The following SLC25A51 variants were observed in gnomAD, a reference collection of about 807,000 sequenced individuals.
The protein encoded by SLC25A51 is mitochondrial nicotinamide adenine dinucleotide transporter SLC25A51.
In SLC25A51, 11 loss-of-function variants were observed where a neutral mutation model predicts 19.1. That is an observed-to-expected ratio of 0.58 (90% CI 0.36 to 0.96). SLC25A51 has a LOEUF of 0.96. SLC25A51 is among the 40% of genes least tolerant of loss of function. The pLI, the probability that SLC25A51 is intolerant of heterozygous loss-of-function variation, is 0.01. For missense variants in SLC25A51, 201 were observed against 365.4 expected (o/e 0.55, Z 3.67); for synonymous variants, 105 against 133.6 (o/e 0.79, Z 1.47).
intron 2 of SLC25A51, among the ~76,000 whole-genome samples, chr9:37,898,777 C>T (rs1269147985): frequency 1.3e-5 from 2 of 151,968 alleles, no homozygotes; most frequent in Non-Finnish European, 2.9e-5. Flanking sequence ...ACTGATAAGT[C>T]AAACTGAGAG....
At chr9:37,885,648 G>A (rs919009393), downstream of SLC25A51, 2 of 919,752 alleles carry the variant, frequency 2.2e-6, no homozygotes, top group South Asian at 2.6e-5. Context: ...CCTCAGAGAA[G>A]ACTCGGAACC....
Position 37,896,737 on chromosome 9 carries a change from A to C in SLC25A51, c.-43+3092T>G, listed in dbSNP as rs1831723666. 2.0e-5 allele frequency among the ~76,000 whole-genome samples: 3 copies of C among 152,220 alleles called. No individual in the cohort carries two copies. In the South Asian group the frequency reaches 6.2e-4, roughly 32 times the overall value. The stretch of plus-strand genomic sequence containing the variant: ...CTTGAACCCAGGAGGCGGAGGTTGC[A>C]GTGAGCCGAGATTGCACCACTGCAC... On this transcript the variant is annotated intron_variant, in intron 2 of 2. Transcript: ENST00000242275.
downstream of SLC25A51, among the ~76,000 whole-genome samples, chr9:37,877,781 G>A (rs1469634068): frequency 6.6e-6 from 1 of 152,174 alleles, no homozygotes; most frequent in Non-Finnish European, 1.5e-5. Context: ...GCTGAGGTGG[G>A]TGGATCACTT....
downstream of SLC25A51, among the ~76,000 whole-genome samples, chr9:37,883,102 C>T (rs1831380698): frequency 6.6e-6 from 1 of 152,266 alleles, no homozygotes; most frequent in Non-Finnish European, 1.5e-5. Context: ...GCCTTGGCCT[C>T]CCAAAGTGCT....
At chr9:37,891,678 A>G (rs1831589898) in intron 2 of SLC25A51, among the ~76,000 whole-genome samples, 2 of 152,062 alleles carry the variant, frequency 1.3e-5, no homozygotes, top group Admixed American at 6.6e-5. Context: ...AAGAGTCATC[A>G]CCACTCCCTA....
At chr9:37,890,376 T>C (rs1831556443) in intron 2 of SLC25A51, among the ~76,000 whole-genome samples, 1 of 151,920 alleles carries the variant, frequency 6.6e-6, no homozygotes, top group African/African-American at 2.4e-5. Flanking sequence ...AGAGCAAGAC[T>C]CTTGTTTCTA....
intron 2 of SLC25A51, among the ~76,000 whole-genome samples, chr9:37,895,150 A>G (rs192493754): frequency 6.6e-6 from 1 of 152,202 alleles, no homozygotes; most frequent in East Asian, 1.9e-4. Flanking sequence ...GCCTTTAAAC[A>G]ATGCAGCAAT....
At chr9:37,885,197 G>A (rs1831420850), downstream of SLC25A51, among the ~76,000 whole-genome samples, 1 of 151,986 alleles carries the variant, frequency 6.6e-6, no homozygotes, top group Admixed American at 6.6e-5. Flanking sequence ...CCTCTGGCCG[G>A]TCACAGCCAC....
chr9:37,891,871 T>C (rs1045848701), intron 2 of SLC25A51, among the ~76,000 whole-genome samples: 2 of 130,552 alleles, frequency 1.5e-5, no homozygotes, highest in Non-Finnish European at 3.3e-5. Context: ...AAAAATTTTA[T>C]ATATATATAT....
intron 2 of SLC25A51, among the ~76,000 whole-genome samples, chr9:37,895,207 C>CA (rs1831690715): frequency 6.8e-6 from 1 of 146,544 alleles, no homozygotes; most frequent in Non-Finnish European, 1.5e-5. Flanking sequence ...CCATTAAAAA[C>CA]TTTTTTTTTT....
chr9:37,900,285 C>T (rs1041031977), intron 1 of SLC25A51, among the ~76,000 whole-genome samples: 4 of 151,832 alleles, frequency 2.6e-5, no homozygotes, highest in Admixed American at 6.6e-5. Context: ...CCCATCTCTA[C>T]GAAAAATCCA....
At chr9:37,881,071 C>T (rs935653259) in intron 3 of SLC25A51, among the ~76,000 whole-genome samples, 1 of 152,230 alleles carries the variant, frequency 6.6e-6, no homozygotes, top group Non-Finnish European at 1.5e-5. Flanking sequence ...ATCAGGCAAC[C>T]TCAATGATCT....
chr9:37,900,509 G>A (rs1225050262), intron 1 of SLC25A51, among the ~76,000 whole-genome samples: 1 of 151,794 alleles, frequency 6.6e-6, no homozygotes, highest in Admixed American at 6.6e-5. Flanking sequence ...ACGGTGGTAC[G>A]ATCATGGCTC....
chr9:37,893,048 G>GT (rs976741072), intron 2 of SLC25A51, among the ~76,000 whole-genome samples: 6 of 150,560 alleles, frequency 4.0e-5, no homozygotes, highest in Non-Finnish European at 8.9e-5. Flanking sequence ...CCCAATTTTT[G>GT]TATTTTTTTT....
At chr9:37,895,274 T>G (rs1238070350) in intron 2 of SLC25A51, among the ~76,000 whole-genome samples, 5 of 152,176 alleles carry the variant, frequency 3.3e-5, no homozygotes, top group Non-Finnish European at 7.3e-5. Flanking sequence ...CAGTCATGGT[T>G]TACTGTAACC....
At chr9:37,903,870 G>A (rs986006689) in intron 1 of SLC25A51, 198 bp downstream of exon 1, 3 of 152,320 alleles carry the variant, frequency 2.0e-5, no homozygotes, top group African/African-American at 7.2e-5. Context: ...CCGGAGCCGA[G>A]GAGGCTCAGA....
chr9:37,904,086 C>G lies in SLC25A51; in HGVS notation c.-183G>C, dbSNP rs191795683. The G allele has an allele frequency of 3.9e-5, 6 of 152,454 alleles. No individual in the cohort carries two copies. In the East Asian group the frequency reaches 1.2e-3, roughly 29 times the overall value. 9.4% of individuals were successfully genotyped at this position (152,454 alleles called of 1,614,324 possible). A position where few individuals can be genotyped will look rare whatever the true frequency, so the allele number is the denominator to read the frequency against. On this transcript the variant is annotated 5_prime_UTR_variant, in exon 1 of 3. Coordinates refer to ENST00000242275, the MANE Select transcript of SLC25A51 (RefSeq NM_033412.4). Reference sequence around the variant, plus strand: ...CACTCACCCATCAGCGCCGGCGTCCCGCAGGACGGCTAGCGAGCCGGGGCC... The same window carrying G: ...CACTCACCCATCAGCGCCGGCGTCCGGCAGGACGGCTAGCGAGCCGGGGCC...
chr9:37,881,688 A>C (rs1831352936), intron 2 of SLC25A51: 1 of 152,216 alleles, frequency 6.6e-6, no homozygotes, highest in Non-Finnish European at 1.5e-5. Flanking sequence ...AATAAAACTT[A>C]TATGAAACCC....
chr9:37,877,878 C>T (rs868398411), downstream of SLC25A51, among the ~76,000 whole-genome samples: 13 of 152,252 alleles, frequency 8.5e-5, no homozygotes, highest in South Asian at 4.1e-4. Context: ...AATGGTGGCA[C>T]ACACCTGTGG....
Sources: gnomAD v4.1 joint callset for allele counts (sites outside exome capture counted in the v4.1 genomes callset) on GRCh38, gnomAD v4.1.1 for gene constraint, MANE v1.5 for transcripts, NCBI Gene and HGNC (gene_info 2026-07-23, HGNC 2026-07-21) for gene names.